WDR49: variants seen among roughly 807,000 people sequenced by gnomAD.
WDR49 encodes cilia- and flagella-associated protein 337.
WDR49 carries 107 observed loss-of-function variants against 119.5 expected under a neutral mutation model. That is an observed-to-expected ratio of 0.90 (90% CI 0.77 to 1.05). The LOEUF is 1.05. Among genes scored for constraint, WDR49 ranks in the 50% least tolerant of loss-of-function variants. The pLI is 0.00. For missense variants in WDR49, 1,240 were observed against 1,220.5 expected (o/e 1.02, Z -0.24); for synonymous variants, 425 against 418.8 (o/e 1.01, Z -0.18).
intron 9 of WDR49, among the ~76,000 whole-genome samples, chr3:167,558,456 T>C (rs1304448263): frequency 6.6e-6 from 1 of 152,206 alleles, no homozygotes; most frequent in Non-Finnish European, 1.5e-5. Context: ...CTGATTTATG[T>C]ATCCTACACA....
intron 7 of WDR49, among the ~76,000 whole-genome samples, chr3:167,594,596 A>C (rs1715314315): frequency 1.3e-5 from 2 of 152,240 alleles, no homozygotes; most frequent in Non-Finnish European, 2.9e-5. Flanking sequence ...AGCAGAACAT[A>C]AAAGTTTGGA....
At chr3:167,550,441 A>T (rs1053169395) in intron 10 of WDR49, among the ~76,000 whole-genome samples, 1 of 151,992 alleles carries the variant, frequency 6.6e-6, no homozygotes, top group Non-Finnish European at 1.5e-5. Flanking sequence ...TAGGTATTTT[A>T]TTCTCTTTGA....
chr3:167,575,428 G>A (rs187056272), intron 8 of WDR49, among the ~76,000 whole-genome samples: 4 of 152,286 alleles, frequency 2.6e-5, no homozygotes, highest in Admixed American at 2.6e-4. Flanking sequence ...ATACCAAGTG[G>A]CATCATGTTT....
intron 5 of WDR49, among the ~76,000 whole-genome samples, chr3:167,615,443 T>TAAAA (rs57991972): frequency 5.9e-5 from 8 of 135,092 alleles, no homozygotes; most frequent in Middle Eastern, 3.8e-3. Context: ...GCTCTCCATT[T>TAAAA]AAAAAAAAAA....
At chr3:167,572,832 T>C (rs912136827) in intron 8 of WDR49, among the ~76,000 whole-genome samples, 2 of 151,978 alleles carry the variant, frequency 1.3e-5, no homozygotes, top group African/African-American at 4.8e-5. Flanking sequence ...CAAAGCTGAG[T>C]CTTGCCACTA....
At chr3:167,595,626 C>A (rs1461111112) in intron 7 of WDR49, among the ~76,000 whole-genome samples, 4 of 152,124 alleles carry the variant, frequency 2.6e-5, no homozygotes, top group Non-Finnish European at 5.9e-5. Context: ...GGAAAGGATT[C>A]CCTATTTAAT....
intron 8 of WDR49, among the ~76,000 whole-genome samples, chr3:167,569,826 CGTT>C (rs1383125253): frequency 6.6e-6 from 1 of 152,104 alleles, no homozygotes; most frequent in African/African-American, 2.4e-5. Context: ...TCGTAAAACT[CGTT>C]GTCTACAGGA....
Position 167,522,449 on chromosome 3 carries a change from A to C in WDR49, c.2640T>G (p.Leu880=). Residue 880 remains leucine, a synonymous_variant, in exon 16 of 19, where the codon CTT becomes CTG. Transcript: ENST00000682715. The part of the protein sequence containing the change: ...KHWHIENCLF[L]PKRDTNLVES... ...CCACTAAATTAGTATCTCTTTTAGGAAGGAAAAGGCAGTTTTCAATATGCC... is the reference window on the plus strand; with the variant it reads ...CCACTAAATTAGTATCTCTTTTAGGCAGGAAAAGGCAGTTTTCAATATGCC... 6.2e-7 allele frequency: 1 copy of C among 1,605,372 alleles called. No homozygotes were observed. Among genetic ancestry groups the C allele is most frequent in the South Asian group, 1.1e-5 (1 of 88,576 alleles).
At chr3:167,515,223 A>T (rs1263129991) in intron 16 of WDR49, among the ~76,000 whole-genome samples, 2 of 152,220 alleles carry the variant, frequency 1.3e-5, no homozygotes, top group African/African-American at 4.8e-5. Context: ...ATGAACATTG[A>T]TGCAAAAATC....
chr3:167,608,142 C>T (rs1255149978), intron 5 of WDR49, among the ~76,000 whole-genome samples: 2 of 152,138 alleles, frequency 1.3e-5, no homozygotes, highest in African/African-American at 4.8e-5. Flanking sequence ...AATCTGATGG[C>T]AATGATTCTC....
chr3:167,532,935 T>G lies in WDR49; in HGVS notation c.1997A>C (p.Glu666Ala). 1 of 1,609,932 alleles carries G rather than the reference T, an allele frequency of 6.2e-7. No individual in the cohort carries two copies. The highest frequency in any genetic ancestry group is 8.5e-7 in the Non-Finnish European group (1 of 1,177,194). Residue 666 changes from glutamate (E) to alanine (A), a missense_variant, in exon 12 of 19, where the codon GAG becomes GCG. Coordinates refer to ENST00000682715, the MANE Select transcript of WDR49 (RefSeq NM_001366157.1). The stretch of plus-strand genomic sequence containing the variant: ...AGGGTGAAGAACATGGTGAGCATTC[T>G]CTGTGCTATTGTTCCATAGAACAAT... ...GEIVLWNNST[E>A]NAHHVLHPDY...
chr3:167,493,670 T>C (rs551016515), intron 18 of WDR49, among the ~76,000 whole-genome samples: 1 of 152,336 alleles, frequency 6.6e-6, no homozygotes, highest in African/African-American at 2.4e-5. Flanking sequence ...CAATTTTCTA[T>C]AATACGCATG....
At chr3:167,480,530 G>A (rs1577185526) in intron 18 of WDR49, among the ~76,000 whole-genome samples, 1 of 152,268 alleles carries the variant, frequency 6.6e-6, no homozygotes, top group African/African-American at 2.4e-5. Context: ...CTGTAGAGAG[G>A]AAGTTATATA....
intron 7 of WDR49, among the ~76,000 whole-genome samples, chr3:167,592,129 A>T (rs934597394): frequency 6.6e-6 from 1 of 152,134 alleles, no homozygotes; most frequent in African/African-American, 2.4e-5. Context: ...GTTATTTTAA[A>T]CTGATAGCAA....
chr3:167,574,952 C>A, intron 8 of WDR49: 1 of 587,952 alleles, frequency 1.7e-6, no homozygotes, highest in Non-Finnish European at 2.1e-6. Flanking sequence ...CCTAGAATAA[C>A]CAGAAAACAG....
intron 7 of WDR49, among the ~76,000 whole-genome samples, chr3:167,601,902 G>A (rs1715788203): frequency 1.3e-5 from 2 of 152,126 alleles, no homozygotes; most frequent in Admixed American, 6.6e-5. Flanking sequence ...CTGAGTACAT[G>A]ATTTGAAAAA....
intron 7 of WDR49, among the ~76,000 whole-genome samples, chr3:167,593,064 A>C (rs964541049): frequency 1.3e-5 from 2 of 152,066 alleles, no homozygotes; most frequent in African/African-American, 4.8e-5. Flanking sequence ...TTTGATTATT[A>C]AATGTCTCAA....
chr3:167,489,553 A>G (rs1228908433), intron 18 of WDR49, among the ~76,000 whole-genome samples: 1 of 152,138 alleles, frequency 6.6e-6, no homozygotes, highest in East Asian at 1.9e-4. Context: ...AATGATAGCC[A>G]AAAGCTGTTT....
chr3:167,510,131 T>C (rs1326213397), intron 16 of WDR49, among the ~76,000 whole-genome samples: 1 of 152,186 alleles, frequency 6.6e-6, no homozygotes, highest in Non-Finnish European at 1.5e-5. Flanking sequence ...ATGCCTATAA[T>C]CCCAGCACTT....
Sources: allele counts gnomAD v4.1 joint callset (sites outside exome capture counted in the v4.1 genomes callset), GRCh38; gene constraint gnomAD v4.1.1; transcripts MANE v1.5; gene names NCBI Gene and HGNC (gene_info 2026-07-23, HGNC 2026-07-21).